Variants in CRLF3 observed in about 807,000 individuals in gnomAD.
CRLF3 encodes the protein cytokine receptor-like factor 3.
In CRLF3, 33 loss-of-function variants were observed where a neutral mutation model predicts 55.0. The ratio of observed to expected loss-of-function variants is 0.60; its 90% CI spans 0.46 to 0.80. The LOEUF is 0.80. CRLF3 is among the 30% of genes least tolerant of loss of function. CRLF3 has a pLI of 0.00. For synonymous variants in CRLF3, 238 were observed against 196.8 expected, an observed-to-expected ratio of 1.21 and a Z score of -1.75; for missense variants, 494 against 538.4, an observed-to-expected ratio of 0.92 and a Z score of 0.82.
chr17:30,811,647 CA>C (rs1392804682), intron 1 of CRLF3, among the ~76,000 whole-genome samples: 22 of 148,566 alleles, frequency 1.5e-4, no homozygotes, highest in Middle Eastern at 3.6e-3. Flanking sequence ...ACTAAAAATA[CA>C]AAAAAATTAG....
At chr17:30,792,601 G>GTT in intron 5 of CRLF3, 29 bp from the exon 6 acceptor site, 1 of 1,580,908 alleles carries the variant, frequency 6.3e-7, no homozygotes, top group East Asian at 2.3e-5. Context: ...ATTGAAAACT[G>GTT]TTAGAATCTC....
At chr17:30,790,458 CATTA>C (rs1201305704) in intron 6 of CRLF3, among the ~76,000 whole-genome samples, 2 of 151,972 alleles carry the variant, frequency 1.3e-5, no homozygotes, top group Non-Finnish European at 2.9e-5. Context: ...AGAGAAACAA[CATTA>C]ATTAGTGGTA....
intron 7 of CRLF3, chr17:30,784,936 G>A (rs1225120628): frequency 1.3e-5 from 2 of 155,478 alleles, no homozygotes; most frequent in Non-Finnish European, 2.8e-5. Context: ...TTGTAGTGGA[G>A]ACAGGGTTTC....
intron 4 of CRLF3, 110 bp downstream of exon 4, chr17:30,796,046 TTTTG>T (rs1431447218): frequency 1.2e-5 from 7 of 603,240 alleles, no homozygotes; most frequent in Non-Finnish European, 1.6e-5. Flanking sequence ...TAAAAGAGAT[TTTTG>T]TTTGAGAAGA....
chr17:30,788,657 G>C (rs941387910), intron 6 of CRLF3, among the ~76,000 whole-genome samples: 15 of 133,388 alleles, frequency 1.1e-4, no homozygotes, highest in African/African-American at 4.4e-4. Context: ...GCCCCGGCTA[G>C]AGTACAGTGG....
In CRLF3 at chr17:30,793,690, A is replaced by ATGT; in HGVS notation, c.604-21_604-19dup. 4.5e-6 allele frequency: 7 copies of ATGT among 1,566,184 alleles called. No individual in the cohort carries two copies. The highest frequency in any genetic ancestry group is 6.1e-6 in the Non-Finnish European group (7 of 1,144,010). On this transcript the variant is annotated intron_variant, in intron 4 of 7. Coordinates refer to ENST00000324238, the MANE Select transcript of CRLF3 (RefSeq NM_015986.4). ...TCATCCACCTAGGGAGAAAAGCTTTATGTTAGGTAAAAAACAGAAAATGAC... is the reference window on the plus strand; with the variant it reads ...TCATCCACCTAGGGAGAAAAGCTTTATGTTGTTAGGTAAAAAACAGAAAATGAC...
rs1211810621 is a variant in CRLF3, at chr17:30,782,892, ATACTG to A, written c.*1290_*1294del. On this transcript the variant is annotated 3_prime_UTR_variant, in exon 8 of 8. Transcript: ENST00000324238. ...ATACTTGCTTTTCTACTTTTTTACT[ATACTG>A]GTAAAAATGAAATGAAAAAAATAAT... 1 of 116,046 alleles carries A rather than the reference ATACTG, an allele frequency of 8.6e-6. No individual in the cohort carries two copies. The highest frequency in any genetic ancestry group is 2.5e-4 in the East Asian group (1 of 3,928). 7.2% of individuals were successfully genotyped at this position (116,046 alleles called of 1,614,324 possible). A position where few individuals can be genotyped will look rare whatever the true frequency, so the allele number is the denominator to read the frequency against.
At chr17:30,806,362 T>C (rs983321752) in intron 1 of CRLF3, among the ~76,000 whole-genome samples, 35 of 152,194 alleles carry the variant, frequency 2.3e-4, no homozygotes, top group Admixed American at 2.2e-3. Context: ...GAGCAGTAAT[T>C]ATGAAACTTC....
chr17:30,783,148 T>C lies in CRLF3; in HGVS notation c.*1039A>G, dbSNP rs1244558902. The C allele has an allele frequency of 6.6e-6, 1 of 152,296 alleles. No homozygotes were observed. The highest frequency in any genetic ancestry group is 2.4e-5 in the African/African-American group (1 of 41,576). 9.4% of individuals were successfully genotyped at this position (152,296 alleles called of 1,614,324 possible). On this transcript the variant is annotated 3_prime_UTR_variant, in exon 8 of 8. Transcript: ENST00000324238. ...GAGTAAAATGCATGTCACAGGCAGATTGGATACACACGTGCATATTACATA... is the reference window on the plus strand; with the variant it reads ...GAGTAAAATGCATGTCACAGGCAGACTGGATACACACGTGCATATTACATA...
chr17:30,787,999 T>TA (rs1054416063), intron 6 of CRLF3, among the ~76,000 whole-genome samples: 26 of 148,870 alleles, frequency 1.7e-4, no homozygotes, highest in African/African-American at 6.5e-4. Flanking sequence ...GACCTTGTCT[T>TA]AAACAAAAAG....
intron 1 of CRLF3, among the ~76,000 whole-genome samples, chr17:30,808,275 A>AT (rs1465392242): frequency 1.9e-4 from 20 of 103,430 alleles, no homozygotes; most frequent in African/African-American, 7.2e-4. Context: ...CCTAGAACCT[A>AT]TATTTTTTTT....
chr17:30,795,593 G>A (rs547303077), intron 4 of CRLF3, among the ~76,000 whole-genome samples: 9 of 151,460 alleles, frequency 5.9e-5, no homozygotes, highest in Admixed American at 1.3e-4. Flanking sequence ...ACCTGAGGTC[G>A]GAGGTTGCAT....
At position 30,784,638 on chromosome 17, in the gene CRLF3, G is replaced by A. The variant is rs184112261; in HGVS notation, c.1073-195C>T. The A allele has an allele frequency of 1.2e-4, 57 of 490,604 alleles. 1 individual carries two copies. Among genetic ancestry groups the A allele is most frequent in the African/African-American group, 7.8e-4 (40 of 51,120 alleles). 30.4% of individuals were successfully genotyped at this position (490,604 alleles called of 1,614,324 possible). A position where few individuals can be genotyped will look rare whatever the true frequency, so the allele number is the denominator to read the frequency against. On this transcript the variant is annotated intron_variant, in intron 7 of 7. Coordinates refer to ENST00000324238, the MANE Select transcript of CRLF3 (RefSeq NM_015986.4). ...CAGAGACTATGAGTTTCCCATATCAGTGTCATCAAAAGAAACTTGACAGTG... is the reference window on the plus strand; with the variant it reads ...CAGAGACTATGAGTTTCCCATATCAATGTCATCAAAAGAAACTTGACAGTG...
intron 4 of CRLF3, 60 bp from the exon 5 acceptor site, chr17:30,793,732 G>A: frequency 7.8e-7 from 1 of 1,277,122 alleles, no homozygotes. Context: ...CAGCATCACT[G>A]CTTAAAAATT....
chr17:30,794,278 A>T (rs1426430060), intron 4 of CRLF3, among the ~76,000 whole-genome samples: 2 of 152,180 alleles, frequency 1.3e-5, no homozygotes, highest in African/African-American at 4.8e-5. Context: ...ACAACCATAC[A>T]TCATTCATAA....
chr17:30,798,865 T>C (rs558848234), intron 2 of CRLF3, among the ~76,000 whole-genome samples: 2 of 151,640 alleles, frequency 1.3e-5, no homozygotes, highest in Non-Finnish European at 2.9e-5. Context: ...ATAAATAAAA[T>C]CCTCAAAATT....
chr17:30,785,328 G>T (rs1411614827), intron 7 of CRLF3, among the ~76,000 whole-genome samples: 2 of 151,876 alleles, frequency 1.3e-5, no homozygotes, highest in African/African-American at 4.8e-5. Flanking sequence ...GCCCGCCTTG[G>T]CCTCCCAAAG....
Position 30,784,381 on chromosome 17 carries a change from T to C in CRLF3, c.1135A>G (p.Thr379Ala). The change falls in exon 8 of 8, where the codon ACT (threonine) becomes GCT (alanine). Residue 379 changes from threonine (T) to alanine (A), a missense_variant. Physicochemically the swap from Thr to Ala is moderately conservative, Grantham distance 58. Coordinates refer to ENST00000324238, the MANE Select transcript of CRLF3 (RefSeq NM_015986.4). ...NQLPAVTSGS[T>A]VTFDIEAVTL... ...ACGGCTTCAATGTCAAACGTGACAGTGGACCCAGAAGTAACTGCGGGTAAC... is the reference window on the plus strand; with the variant it reads ...ACGGCTTCAATGTCAAACGTGACAGCGGACCCAGAAGTAACTGCGGGTAAC... 1 of 1,613,856 alleles carries C rather than the reference T, an allele frequency of 6.2e-7. No individual in the cohort carries two copies. Among genetic ancestry groups the C allele is most frequent in the Non-Finnish European group, 8.5e-7 (1 of 1,179,710 alleles).
chr17:30,791,030 T>A (rs1455982773), intron 6 of CRLF3: 2 of 152,250 alleles, frequency 1.3e-5, no homozygotes, highest in Non-Finnish European at 2.9e-5. Flanking sequence ...GCAATTCTCA[T>A]GCCTCAGCCT....
Sources: allele counts gnomAD v4.1 joint callset (sites outside exome capture counted in the v4.1 genomes callset), GRCh38; gene constraint gnomAD v4.1.1; transcripts MANE v1.5; gene names NCBI Gene and HGNC (gene_info 2026-07-23, HGNC 2026-07-21).